TDRD9: variants seen among roughly 807,000 people sequenced by gnomAD.
TDRD9 encodes the protein ATP-dependent RNA helicase TDRD9.
Under a neutral mutation model 172.6 loss-of-function variants are expected in TDRD9, and 124 were observed. The ratio of observed to expected loss-of-function variants is 0.72; its 90% CI spans 0.62 to 0.83. The LOEUF (loss-of-function observed/expected upper bound fraction) is 0.83, where lower values mean the gene tolerates loss of function less well. Among genes scored for constraint, TDRD9 ranks in the 40% least tolerant of loss-of-function variants. The pLI is 0.00. For missense variants in TDRD9, 1,479 were observed against 1,714.1 expected, an observed-to-expected ratio of 0.86 and a Z score of 2.42; for synonymous variants, 619 against 617.1, an observed-to-expected ratio of 1.00 and a Z score of -0.05.
At position 103,980,780 on chromosome 14, in the gene TDRD9, G is replaced by A. The variant is rs563711411; in HGVS notation, c.1011+5227G>A. The stretch of plus-strand genomic sequence containing the variant: ...GCTAGACCATGGTCCGCTTGGCAAC[G>A]GGCGTCTTCCCAGATGCTGGCATTA... On this transcript the variant is annotated intron_variant, in intron 7 of 35. Coordinates refer to ENST00000409874, the MANE Select transcript of TDRD9 (RefSeq NM_153046.3). The surrounding 1 kb of genome is among the most constrained non-coding windows in gnomAD (Gnocchi z 4.5). Among the ~76,000 whole-genome samples, 3 of 152,056 alleles carry A rather than the reference G, an allele frequency of 2.0e-5. No individual in the cohort carries two copies. Among genetic ancestry groups the A allele is most frequent in the African/African-American group, 4.8e-5 (2 of 41,400 alleles).
chr14:104,027,732 T>C (rs915073610), intron 28 of TDRD9, among the ~76,000 whole-genome samples: 8 of 152,196 alleles, frequency 5.3e-5, no homozygotes, highest in Non-Finnish European at 8.8e-5. Flanking sequence ...TCTTCTAGCT[T>C]TTTGAAAATA....
chr14:103,973,759 G>A (rs1430743529), intron 6 of TDRD9, among the ~76,000 whole-genome samples: 1 of 152,184 alleles, frequency 6.6e-6, no homozygotes, highest in East Asian at 1.9e-4. Context: ...CACTCCAAGT[G>A]GCTTCTGAGA....
chr14:103,928,521 G>A lies in TDRD9; in HGVS notation c.12G>A (p.Lys4=). MLR[K]LTIEQINDWF... Reference sequence around the variant, plus strand: ...CCTGGGCCTTGAGGATGCTGCGGAAGCTCACCATCGAGCAGATCAACGACT... The same window carrying A: ...CCTGGGCCTTGAGGATGCTGCGGAAACTCACCATCGAGCAGATCAACGACT... Residue 4 remains lysine, a synonymous_variant, in exon 1 of 36, where the codon AAG becomes AAA. Transcript: ENST00000409874. 3 of 1,423,706 alleles carry A rather than the reference G, an allele frequency of 2.1e-6. No individual in the cohort carries two copies. Among genetic ancestry groups the A allele is most frequent in the South Asian group, 1.3e-5 (1 of 74,168 alleles). The allele number at this position is 1,423,706 out of a possible 1,614,324, so 88.2% of individuals were successfully genotyped here.
In TDRD9 at chr14:103,980,973, A is replaced by G. The variant is rs2152179088; in HGVS notation, c.1012-5244A>G. 6.6e-6 allele frequency among the ~76,000 whole-genome samples: 1 copy of G among 152,092 alleles called. No homozygotes were observed. Among genetic ancestry groups the G allele is most frequent in the East Asian group, 1.9e-4 (1 of 5,194 alleles). ...GAGAATTATTATAATATTGGAATAAAGAGTAATTACTACAAACTAATGATT... is the reference window on the plus strand; with the variant it reads ...GAGAATTATTATAATATTGGAATAAGGAGTAATTACTACAAACTAATGATT... On this transcript the variant is annotated intron_variant, in intron 7 of 35. Transcript: ENST00000409874. The surrounding 1 kb of genome is among the most constrained non-coding windows in gnomAD (Gnocchi z 4.5).
intron 8 of TDRD9, among the ~76,000 whole-genome samples, chr14:103,988,874 T>C (rs1319665027): frequency 1.3e-5 from 2 of 152,076 alleles, no homozygotes; most frequent in Non-Finnish European, 2.9e-5. Context: ...TTGTATCCGG[T>C]TACTTTTAAA....
intron 20 of TDRD9, among the ~76,000 whole-genome samples, chr14:104,009,222 C>T (rs543872834): frequency 1.3e-5 from 2 of 152,050 alleles, no homozygotes; most frequent in African/African-American, 2.4e-5. Context: ...AGAAAAGGTG[C>T]GGTAAAAATA....
chr14:104,040,794 A>G (rs756058346), intron 33 of TDRD9, among the ~76,000 whole-genome samples: 1 of 152,254 alleles, frequency 6.6e-6, no homozygotes, highest in Non-Finnish European at 1.5e-5. Flanking sequence ...AGCTGCTTGC[A>G]GCATTGTCTG....
intron 9 of TDRD9, among the ~76,000 whole-genome samples, chr14:103,993,921 A>G (rs1036056769): frequency 1.3e-5 from 2 of 152,252 alleles, no homozygotes; most frequent in Non-Finnish European, 2.9e-5. Context: ...GCTTTCAGCA[A>G]ACAGGACGGA....
At chr14:103,930,677 G>A (rs2030325215) in intron 1 of TDRD9, among the ~76,000 whole-genome samples, 2 of 152,148 alleles carry the variant, frequency 1.3e-5, no homozygotes, top group Admixed American at 1.3e-4. Context: ...TGGAGTTGCT[G>A]TTTGTATGTT....
At position 104,032,114 on chromosome 14, in the gene TDRD9, A is replaced by T. The variant is rs1470003928; in HGVS notation, c.3509+27A>T. 5.5e-6 allele frequency: 8 copies of T among 1,457,400 alleles called. No homozygotes were observed. The African/African-American group carries it at 8.5e-5, about 16-fold the overall frequency. 90.3% of individuals were successfully genotyped at this position (1,457,400 alleles called of 1,614,324 possible). ...TATGATTAACTTAAGTTTTCCATGA[A>T]TTTTTTTTCTCTGCTTTTCTGTTTA... On this transcript the variant is annotated intron_variant, in intron 30 of 35. Coordinates refer to ENST00000409874, the MANE Select transcript of TDRD9 (RefSeq NM_153046.3).
chr14:104,029,060 G>A (rs552717123), intron 28 of TDRD9, among the ~76,000 whole-genome samples: 8 of 152,264 alleles, frequency 5.3e-5, no homozygotes, highest in African/African-American at 1.7e-4. Flanking sequence ...TTTTATGCCA[G>A]TATAATGCTG....
chr14:104,010,918 C>A (rs1435944893), intron 20 of TDRD9, among the ~76,000 whole-genome samples: 1 of 152,172 alleles, frequency 6.6e-6, no homozygotes, highest in Non-Finnish European at 1.5e-5. Flanking sequence ...GCTGTTCAAC[C>A]CCATGTTGTT....
chr14:103,987,952 C>G (rs1364845193), intron 8 of TDRD9, among the ~76,000 whole-genome samples: 1 of 152,106 alleles, frequency 6.6e-6, no homozygotes, highest in East Asian at 1.9e-4. Context: ...TATGTTTATA[C>G]CTGTTACATC....
intron 32 of TDRD9, 112 bp downstream of exon 32, chr14:104,035,168 T>C: frequency 1.3e-6 from 1 of 771,636 alleles, no homozygotes; most frequent in Non-Finnish European, 2.1e-6. Context: ...AAGCTAGCCA[T>C]GGCACGTCTC....
At position 103,973,479 on chromosome 14, in the gene TDRD9, G is replaced by A. The variant is rs8014686; in HGVS notation, c.847-1910G>A. ...ACCTTGTTGTCACCTCTTGCTGACT[G>A]GACTCAGCTCAGGCCCACTCCAGAC... On this transcript the variant is annotated intron_variant, in intron 6 of 35. Transcript: ENST00000409874. Among the ~76,000 whole-genome samples, 1,116 of 152,222 alleles carry A rather than the reference G, an allele frequency of 7.3e-3. 12 individuals carry two copies. The highest frequency in any genetic ancestry group is 0.025 in the African/African-American group (1,054 of 41,508).
chr14:103,935,183 A>G (rs923147646), intron 1 of TDRD9, among the ~76,000 whole-genome samples: 1 of 152,212 alleles, frequency 6.6e-6, no homozygotes, highest in African/African-American at 2.4e-5. Flanking sequence ...CTTAAAATAA[A>G]TTTCTTTCTC....
At chr14:104,014,251 GATA>G (rs1338702532) in intron 20 of TDRD9, among the ~76,000 whole-genome samples, 2 of 61,682 alleles carry the variant, frequency 3.2e-5, no homozygotes, top group Non-Finnish European at 7.3e-5. Flanking sequence ...AAAAAAAAAA[GATA>G]ATAATAATAA....
chr14:104,008,659 T>C (rs1031568323), intron 20 of TDRD9, among the ~76,000 whole-genome samples, 193 bp downstream of exon 20: 1 of 152,246 alleles, frequency 6.6e-6, no homozygotes, highest in African/African-American at 2.4e-5. Flanking sequence ...GGGTTTCTAA[T>C]AAATACTCCT....
intron 29 of TDRD9, among the ~76,000 whole-genome samples, chr14:104,031,580 G>A (rs1281499356): frequency 6.7e-6 from 1 of 149,822 alleles, no homozygotes; most frequent in African/African-American, 2.5e-5. Flanking sequence ...TGGACTCCCT[G>A]GCTGGCTGTT....
Sources: gnomAD v4.1 joint callset for allele counts (sites outside exome capture counted in the v4.1 genomes callset) on GRCh38, gnomAD v4.1.1 for gene constraint, Gnocchi (gnomAD v3.1) non-coding constraint, MANE v1.5 for transcripts, NCBI Gene and HGNC (gene_info 2026-07-23, HGNC 2026-07-21) for gene names.